The following NALCN variants were observed in gnomAD, a reference collection of about 807,000 sequenced individuals.
NALCN encodes sodium leak channel NALCN.
A neutral mutation model predicts 225.3 loss-of-function variants in NALCN; 111 were observed. The ratio of observed to expected loss-of-function variants is 0.49; its 90% CI spans 0.42 to 0.58. NALCN has a LOEUF of 0.58. Among genes scored for constraint, NALCN ranks in the 20% least tolerant of loss-of-function variants. The probability of loss-of-function intolerance (pLI) is 0.00; values close to 1 mark genes in which losing one functional copy is unlikely to be tolerated. For synonymous variants in NALCN, 764 were observed against 769.0 expected (o/e 0.99, Z 0.11); for missense variants, 1,378 against 2,202.4 (o/e 0.63, Z 7.49).
At chr13:101,229,968 C>A (rs549349175) in intron 12 of NALCN, among the ~76,000 whole-genome samples, 2 of 151,948 alleles carry the variant, frequency 1.3e-5, no homozygotes, top group African/African-American at 4.8e-5. Context: ...GATATGAGGC[C>A]ATAAGTGAAA....
chr13:101,287,718 T>A (rs917864914), intron 9 of NALCN, among the ~76,000 whole-genome samples: 1 of 152,190 alleles, frequency 6.6e-6, no homozygotes, highest in Non-Finnish European at 1.5e-5. Flanking sequence ...GCATGGAGAT[T>A]TCAACTTTGA....
At chr13:101,097,604 T>C (rs1283730521) in intron 27 of NALCN, among the ~76,000 whole-genome samples, 1 of 152,208 alleles carries the variant, frequency 6.6e-6, no homozygotes, top group Non-Finnish European at 1.5e-5. Flanking sequence ...TTAATCTTTC[T>C]ACACCTGTTT....
chr13:101,147,572 A>G (rs554936250), intron 15 of NALCN, among the ~76,000 whole-genome samples: 2 of 152,024 alleles, frequency 1.3e-5, no homozygotes, highest in South Asian at 2.1e-4. Flanking sequence ...AAAAATATAA[A>G]CTTTTCTTTT....
chr13:101,060,367 C>T (rs181410711), intron 41 of NALCN, among the ~76,000 whole-genome samples: 5 of 133,952 alleles, frequency 3.7e-5, no homozygotes, highest in African/African-American at 1.1e-4. Flanking sequence ...TAACCTTAAA[C>T]TCCTAGGCTC....
At chr13:101,352,466 AAGAAAGAGAGAG>A (rs1166944238) in intron 6 of NALCN, among the ~76,000 whole-genome samples, 1 of 152,186 alleles carries the variant, frequency 6.6e-6, no homozygotes, top group Non-Finnish European at 1.5e-5. Context: ...GAGTGACAGA[AAGAAAGAGAGAG>A]AGAAAGAGAG....
intron 13 of NALCN, among the ~76,000 whole-genome samples, chr13:101,206,244 T>G (rs2040306718): frequency 6.6e-6 from 1 of 152,036 alleles, no homozygotes; most frequent in Admixed American, 6.6e-5. Flanking sequence ...TGTGAAAAAG[T>G]AACCTGTGTA....
chr13:101,199,804 T>C (rs888076401), intron 13 of NALCN, among the ~76,000 whole-genome samples: 7 of 151,824 alleles, frequency 4.6e-5, no homozygotes, highest in African/African-American at 1.5e-4. Context: ...TAAATAAATA[T>C]ATATATATAG....
rs1402862873 is a variant in NALCN at position 101,053,802 on chromosome 13, T to TATC, written c.*1490_*1492dup. 4 of 152,228 alleles carry TATC rather than the reference T, an allele frequency of 2.6e-5. No homozygotes were observed. Among genetic ancestry groups the TATC allele is most frequent in the African/African-American group, 9.6e-5 (4 of 41,460 alleles). 9.4% of individuals were successfully genotyped at this position (152,228 alleles called of 1,614,324 possible). On this transcript the variant is annotated 3_prime_UTR_variant, in exon 44 of 44. Coordinates refer to ENST00000251127, the MANE Select transcript of NALCN (RefSeq NM_052867.4). ...TATTTTACAAATCCAATATTTATTTTATCTTGTATGTACAAAAAGTAAACT... is the reference window on the plus strand; with the variant it reads ...TATTTTACAAATCCAATATTTATTTTATCATCTTGTATGTACAAAAAGTAAACT...
At chr13:101,267,743 CA>C (rs1336158566) in intron 10 of NALCN, among the ~76,000 whole-genome samples, 4 of 152,140 alleles carry the variant, frequency 2.6e-5, no homozygotes, top group African/African-American at 9.7e-5. Context: ...ACCGCAGAGG[CA>C]GGGGTGAGCT....
At position 101,107,536 on chromosome 13, in the gene NALCN, G is replaced by A; in HGVS notation, c.2530C>T (p.His844Tyr). The A allele has an allele frequency of 1.2e-6, 2 of 1,614,132 alleles. No individual in the cohort carries two copies. Among genetic ancestry groups the A allele is most frequent in the African/African-American group, 1.3e-5 (1 of 75,050 alleles). The change falls in exon 22 of 44, where the codon CAC (histidine) becomes TAC (tyrosine). Residue 844 changes from histidine (H) to tyrosine (Y), a missense_variant. Around this residue, in one of 19 missense-constraint regions of NALCN, gnomAD observed 292 missense variants for 409.5 expected, o/e 0.71. Transcript: ENST00000251127. ...DKPLFIVGREHRFRNFCRVVV... is the reference protein window; with the variant it reads ...DKPLFIVGREYRFRNFCRVVV... ...ACCCGGCAAAAGTTTCTGAACCTGTGTTCTCGCCCGACAATGAACAGTGGC... is the reference window on the plus strand; with the variant it reads ...ACCCGGCAAAAGTTTCTGAACCTGTATTCTCGCCCGACAATGAACAGTGGC...
At chr13:101,178,381 T>C (rs1030443943) in intron 14 of NALCN, among the ~76,000 whole-genome samples, 10 of 152,348 alleles carry the variant, frequency 6.6e-5, no homozygotes, top group African/African-American at 2.4e-4. Flanking sequence ...AGGGATCCTG[T>C]TCGCCTCCCT....
At position 101,104,745 on chromosome 13, in the gene NALCN, C is replaced by T; in HGVS notation, c.2637-95G>A. The T allele has an allele frequency of 6.4e-7, 1 of 1,569,976 alleles. No individual in the cohort carries two copies. Among genetic ancestry groups the T allele is most frequent in the Non-Finnish European group, 8.7e-7 (1 of 1,150,348 alleles). ...GGCTTCTGTGGCTCTATCAACATGACTGGTATTTTAAAAACATCATTCCCC... is the reference window on the plus strand; with the variant it reads ...GGCTTCTGTGGCTCTATCAACATGATTGGTATTTTAAAAACATCATTCCCC... On this transcript the variant is annotated intron_variant, in intron 23 of 43. Coordinates refer to ENST00000251127, the MANE Select transcript of NALCN (RefSeq NM_052867.4). This position sits in a 1 kb window ranked among gnomAD's most constrained non-coding sequence, Gnocchi z 4.2.
chr13:101,219,671 T>A (rs1038312431), intron 13 of NALCN, among the ~76,000 whole-genome samples: 2 of 152,220 alleles, frequency 1.3e-5, no homozygotes, highest in African/African-American at 4.8e-5. Context: ...AAGTTTGTGA[T>A]GAACTATTCC....
At chr13:101,168,195 TTA>T (rs1039453577) in intron 15 of NALCN, among the ~76,000 whole-genome samples, 6 of 152,320 alleles carry the variant, frequency 3.9e-5, no homozygotes, top group Admixed American at 3.9e-4. Context: ...TTCATACCAT[TTA>T]TTTATTACCC....
At chr13:101,310,291 G>C (rs9585660) in intron 7 of NALCN, among the ~76,000 whole-genome samples, 3 of 152,114 alleles carry the variant, frequency 2.0e-5, no homozygotes, top group African/African-American at 7.2e-5. Context: ...AAGGCTCTAC[G>C]TGATCCATTC....
chr13:101,248,778 G>A (rs1028651523), intron 11 of NALCN, among the ~76,000 whole-genome samples: 1 of 152,156 alleles, frequency 6.6e-6, no homozygotes, highest in Non-Finnish European at 1.5e-5. Flanking sequence ...GCTCTGATTT[G>A]CAACCTTTTT....
chr13:101,075,350 G>T (rs1048135503), intron 35 of NALCN, among the ~76,000 whole-genome samples: 1 of 151,270 alleles, frequency 6.6e-6, no homozygotes, highest in Admixed American at 6.6e-5. Context: ...AGCTACTCGG[G>T]AGGCTGAGGC....
intron 18 of NALCN, among the ~76,000 whole-genome samples, chr13:101,114,786 T>G (rs545822188): frequency 1.2e-4 from 18 of 152,304 alleles, no homozygotes; most frequent in African/African-American, 4.3e-4. Context: ...CGAATGCGGT[T>G]ATTATCACTG....
intron 20 of NALCN, among the ~76,000 whole-genome samples, chr13:101,109,732 C>T (rs186378103): frequency 6.6e-6 from 1 of 152,272 alleles, no homozygotes; most frequent in East Asian, 1.9e-4. Flanking sequence ...CATGGTATAG[C>T]TGCTGGGCCA....
Sources: gnomAD v4.1 joint callset for allele counts (sites outside exome capture counted in the v4.1 genomes callset) on GRCh38, gnomAD v4.1.1 for gene constraint, gnomAD v4.1.1 regional missense constraint, Gnocchi (gnomAD v3.1) non-coding constraint, MANE v1.5 for transcripts, NCBI Gene and HGNC (gene_info 2026-07-23, HGNC 2026-07-21) for gene names.